The following PBX3 variants were observed in gnomAD, a reference collection of about 807,000 sequenced individuals.
The protein encoded by PBX3 is PBX homeobox 3, also known as pre-B-cell leukemia transcription factor 3.
PBX3 carries 14 observed loss-of-function variants against 48.5 expected under a neutral mutation model. The observed-to-expected ratio is 0.29, with a 90% CI of 0.19 to 0.45. The LOEUF (loss-of-function observed/expected upper bound fraction) is 0.45. PBX3 is among the 20% of genes least tolerant of loss of function. The probability of loss-of-function intolerance (pLI) is 1.00; values close to 1 mark genes in which losing one functional copy is unlikely to be tolerated. For missense variants in PBX3, 386 were observed against 546.7 expected (o/e 0.71, Z 2.93); for synonymous variants, 210 against 200.3 (o/e 1.05, Z -0.41).
chr9:125,938,445 T>C (rs575280657), intron 5 of PBX3, among the ~76,000 whole-genome samples: 46 of 152,254 alleles, frequency 3.0e-4, no homozygotes, highest in African/African-American at 1.1e-3. Flanking sequence ...TGTCTCTCCA[T>C]AGACCATTTA....
intron 3 of PBX3, among the ~76,000 whole-genome samples, chr9:125,917,040 C>G (rs1405344029): frequency 1.3e-5 from 2 of 152,048 alleles, no homozygotes; most frequent in African/African-American, 4.8e-5. Context: ...TTTTGCCACT[C>G]TTATTTTGTG....
chr9:125,956,252 T>C (rs976960407), intron 5 of PBX3, among the ~76,000 whole-genome samples: 4 of 152,172 alleles, frequency 2.6e-5, no homozygotes, highest in Admixed American at 6.5e-5. Flanking sequence ...GCTTAGTAAA[T>C]AGCAGAGCGT....
chr9:125,790,480 C>G (rs1837569246), intron 2 of PBX3, among the ~76,000 whole-genome samples: 2 of 151,896 alleles, frequency 1.3e-5, no homozygotes, highest in South Asian at 4.2e-4. Flanking sequence ...TCTTGAACTC[C>G]CGAGCTCAGG....
chr9:125,762,742 C>G (rs1836702918), intron 2 of PBX3, among the ~76,000 whole-genome samples: 1 of 152,306 alleles, frequency 6.6e-6, no homozygotes, highest in South Asian at 2.1e-4. Context: ...ACTTTGCTGC[C>G]TGCCAACAGG....
intron 2 of PBX3, among the ~76,000 whole-genome samples, chr9:125,899,056 G>A (rs10114213): frequency 0.73 from 110,125 of 150,636 alleles, 40,698 homozygotes; most frequent in African/African-American, 0.81. Context: ...AGAAACATCT[G>A]TGGTGTTGAA....
intron 5 of PBX3, among the ~76,000 whole-genome samples, chr9:125,939,337 A>C (rs1479565864): frequency 6.6e-6 from 1 of 152,168 alleles, no homozygotes; most frequent in Non-Finnish European, 1.5e-5. Flanking sequence ...AAAAATAGAA[A>C]TGGTCAATTG....
intron 2 of PBX3, among the ~76,000 whole-genome samples, chr9:125,850,535 A>G (rs1839550302): frequency 1.3e-5 from 2 of 152,212 alleles, no homozygotes; most frequent in South Asian, 4.1e-4. Context: ...TATCCAAACC[A>G]CAGAAAACAT....
intron 5 of PBX3, among the ~76,000 whole-genome samples, chr9:125,946,490 TGGG>T (rs926185730): frequency 2.8e-4 from 42 of 151,754 alleles, no homozygotes; most frequent in African/African-American, 9.5e-4. Flanking sequence ...ATATCTATAA[TGGG>T]GGAAAGACAA....
chr9:125,755,672 G>GTTTTTTTTTT (rs11310993), intron 2 of PBX3, among the ~76,000 whole-genome samples: 27 of 95,220 alleles, frequency 2.8e-4, no homozygotes, highest in Admixed American at 4.5e-4. Flanking sequence ...GAGGAGCTTT[G>GTTTTTTTTTT]TTTTTTTTTT....
At chr9:125,783,224 G>A (rs1199978841) in intron 2 of PBX3, among the ~76,000 whole-genome samples, 4 of 152,034 alleles carry the variant, frequency 2.6e-5, no homozygotes, top group East Asian at 1.9e-4. Context: ...GATGGTATGC[G>A]TGATGTCTCG....
chr9:125,956,010 C>A (rs960473622), intron 5 of PBX3, among the ~76,000 whole-genome samples: 1 of 152,136 alleles, frequency 6.6e-6, no homozygotes, highest in African/African-American at 2.4e-5. Context: ...TAGATCCATC[C>A]CACTTTGCAT....
chr9:125,785,913 T>C (rs577535336), intron 2 of PBX3, among the ~76,000 whole-genome samples: 1 of 151,500 alleles, frequency 6.6e-6, no homozygotes, highest in African/African-American at 2.4e-5. Context: ...GTCACAAGAC[T>C]CTCATTTTAA....
chr9:125,933,951 A>G (rs982860360), intron 4 of PBX3, among the ~76,000 whole-genome samples: 5 of 152,022 alleles, frequency 3.3e-5, no homozygotes, highest in Admixed American at 3.3e-4. Flanking sequence ...TTTCTTTTCA[A>G]GCAACACATG....
At chr9:125,937,328 G>C (rs1028834436) in intron 5 of PBX3, among the ~76,000 whole-genome samples, 1 of 151,946 alleles carries the variant, frequency 6.6e-6, no homozygotes, top group African/African-American at 2.4e-5. Context: ...TTCTAAAATA[G>C]GCTAGGAACC....
chr9:125,770,797 C>T (rs1355193926), intron 2 of PBX3, among the ~76,000 whole-genome samples: 4 of 152,180 alleles, frequency 2.6e-5, no homozygotes, highest in African/African-American at 9.7e-5. Flanking sequence ...GCAACATCAA[C>T]TACTGACAAA....
chr9:125,908,275 C>T (rs548145126), intron 2 of PBX3, among the ~76,000 whole-genome samples: 9 of 152,028 alleles, frequency 5.9e-5, no homozygotes, highest in Non-Finnish European at 1.0e-4. Flanking sequence ...GAGAGGCACA[C>T]ACGATGCCCT....
At chr9:125,771,269 G>A (rs1194858591) in intron 2 of PBX3, among the ~76,000 whole-genome samples, 1 of 152,122 alleles carries the variant, frequency 6.6e-6, no homozygotes, top group Non-Finnish European at 1.5e-5. Flanking sequence ...GCTTTTTACT[G>A]GCTTATCTTT....
At chr9:125,962,626 GAGAAC>G (rs1194020438) in intron 7 of PBX3, among the ~76,000 whole-genome samples, 2 of 152,104 alleles carry the variant, frequency 1.3e-5, no homozygotes, top group East Asian at 3.9e-4. Flanking sequence ...CCTCTTATTT[GAGAAC>G]AGAACTATTC....
chr9:125,870,069 A>G (rs977797748), intron 2 of PBX3, among the ~76,000 whole-genome samples: 3 of 143,446 alleles, frequency 2.1e-5, no homozygotes, highest in Non-Finnish European at 4.5e-5. Flanking sequence ...TCTGTTGCCC[A>G]GGCTGCACTA....
Sources: allele counts gnomAD v4.1 joint callset (sites outside exome capture counted in the v4.1 genomes callset), GRCh38; gene constraint gnomAD v4.1.1; transcripts MANE v1.5; gene names NCBI Gene and HGNC (gene_info 2026-07-23, HGNC 2026-07-21).